SBNO2: variants seen among roughly 807,000 people sequenced by gnomAD.
The protein encoded by SBNO2 is strawberry notch homolog 2, also known as protein strawberry notch homolog 2.
SBNO2 carries 89 observed loss-of-function variants against 146.3 expected under a neutral mutation model. That is an observed-to-expected ratio of 0.61 (90% CI 0.51 to 0.73). The LOEUF is 0.73. Among genes scored for constraint, SBNO2 ranks in the 30% least tolerant of loss-of-function variants. The pLI is 0.00. For synonymous variants in SBNO2, 1,147 were observed against 892.6 expected, an observed-to-expected ratio of 1.29 and a Z score of -5.08; for missense variants, 2,092 against 2,003.7, an observed-to-expected ratio of 1.04 and a Z score of -0.84.
chr19:1,152,140 C>T (rs910716883), intron 2 of SBNO2, among the ~76,000 whole-genome samples: 1 of 152,214 alleles, frequency 6.6e-6, no homozygotes, highest in Admixed American at 6.5e-5. Flanking sequence ...CGGTTACGCG[C>T]ACGGGTGCGC....
At chr19:1,113,846 C>A in intron 18 of SBNO2, 142 bp from the exon 19 acceptor site, 1 of 1,144,818 alleles carries the variant, frequency 8.7e-7, no homozygotes, top group South Asian at 1.9e-5. Flanking sequence ...AAGCCCGGCA[C>A]CGTGGCCCAG....
chr19:1,137,120 T>G (rs1448361653), intron 4 of SBNO2, among the ~76,000 whole-genome samples: 2 of 143,142 alleles, frequency 1.4e-5, no homozygotes, highest in East Asian at 4.2e-4. Context: ...CGAGGGGCAG[T>G]GAGGCGAGCA....
chr19:1,113,358 C>A (rs1228033161), intron 19 of SBNO2, among the ~76,000 whole-genome samples, 177 bp downstream of exon 19: 1 of 152,180 alleles, frequency 6.6e-6, no homozygotes, highest in Non-Finnish European at 1.5e-5. Flanking sequence ...CGTGGCCTCC[C>A]GGGCCGAGCT....
At chr19:1,142,182 T>C (rs80216345) in intron 4 of SBNO2, among the ~76,000 whole-genome samples, 72 of 1,402 alleles carry the variant, frequency 0.051, no homozygotes, top group Middle Eastern at 0.17. Flanking sequence ...TCCCTCCCCA[T>C]GATCAACCCT....
In SBNO2 at chr19:1,125,038, C is replaced by T. The variant is rs188723951; in HGVS notation, c.442-1016G>A. Among the ~76,000 whole-genome samples the T allele has an allele frequency of 3.7e-3, 557 of 152,014 alleles. 5 individuals are homozygous for T. The highest frequency in any genetic ancestry group is 0.024 in the Middle Eastern group (7 of 294). On this transcript the variant is annotated intron_variant, in intron 5 of 31. Coordinates refer to ENST00000361757, the MANE Select transcript of SBNO2 (RefSeq NM_014963.3). ...CACTCTTAAAAAGCAAAAATCCTAACAGTAATACGAGCCATAAAAAACGTA... is the reference window on the plus strand; with the variant it reads ...CACTCTTAAAAAGCAAAAATCCTAATAGTAATACGAGCCATAAAAAACGTA...
intron 4 of SBNO2, among the ~76,000 whole-genome samples, chr19:1,143,009 G>A (rs896124000): frequency 2.6e-5 from 4 of 152,194 alleles, no homozygotes; most frequent in Non-Finnish European, 4.4e-5. Context: ...GGCCTGTGGG[G>A]TTTTACATTC....
At position 1,122,747 on chromosome 19, in the gene SBNO2, G is replaced by A. The variant is rs1364352584; in HGVS notation, c.825C>T (p.Leu275=). 3.3e-6 allele frequency: 5 copies of A among 1,537,504 alleles called. No homozygotes were observed. The highest frequency in any genetic ancestry group is 3.5e-6 in the Non-Finnish European group (4 of 1,146,540). The change falls in exon 9 of 32, where the codon CTC becomes CTT. Residue 275 remains leucine (L), a synonymous_variant. Transcript: ENST00000361757. ...LLPSGQRAGF[L]IGDGAGVGKG... is the part of the protein sequence containing the mutation. ...TGCCCACGCCGGCCCCATCGCCGAT[G>A]AGAAAGCCCGCGCGCTGCCCGCTGG...
At position 1,119,932 on chromosome 19, in the gene SBNO2, G is replaced by T; in HGVS notation, c.1241C>A (p.Ala414Asp). The T allele has an allele frequency of 6.5e-7, 1 of 1,549,102 alleles. No individual in the cohort carries two copies. The highest frequency in any genetic ancestry group is 8.7e-7 in the Non-Finnish European group (1 of 1,146,986). The change falls in exon 12 of 32, where the codon GCC becomes GAC. Residue 414 changes from alanine (A) to aspartate (D), a missense_variant. By Grantham distance (126) the Ala-to-Asp change is moderately radical. Transcript: ENST00000361757. ...VLDLQNKLPL[A>D]RVVYASATGA... ...TGTGGCGCTGGCGTAGACCACGCGG[G>T]CCAGGGGCAGCTTGTTCTGCAGGTC...
rs748907522 is a variant in SBNO2, at chr19:1,112,794, G to A, written c.2379+24C>T. On this transcript the variant is annotated intron_variant, in intron 20 of 31. Coordinates refer to ENST00000361757, the MANE Select transcript of SBNO2 (RefSeq NM_014963.3). The surrounding 1 kb of genome is among the most constrained non-coding windows in gnomAD (Gnocchi z 5.9). ...GTGCCTCTTGGGTCCCGTGGGCCGCGCCCAGTGCACTGCAGCCCCGCACCT... is the reference window on the plus strand; with the variant it reads ...GTGCCTCTTGGGTCCCGTGGGCCGCACCCAGTGCACTGCAGCCCCGCACCT... 6.5e-5 allele frequency: 101 copies of A among 1,552,140 alleles called. No individual in the cohort carries two copies. Among genetic ancestry groups the A allele is most frequent in the African/African-American group, 8.2e-5 (6 of 73,312 alleles).
chr19:1,149,095 C>G (rs552476297), intron 3 of SBNO2, among the ~76,000 whole-genome samples: 31 of 66,334 alleles, frequency 4.7e-4, no homozygotes, highest in African/African-American at 9.9e-4. Context: ...CACAGGAGGC[C>G]CCCCTGGCCC....
Position 1,111,098 on chromosome 19 carries a change from G to A in SBNO2, c.2810-5C>T, listed in dbSNP as rs1234448388. On this transcript the variant is annotated splice_polypyrimidine_tract_variant and splice_region_variant and intron_variant, in intron 24 of 31. Coordinates refer to ENST00000361757, the MANE Select transcript of SBNO2 (RefSeq NM_014963.3). ...ACAGCAGGCCCTGCTTCATGTCTGC[G>A]GGGAGAGGGGCCTCACATGCTGGTC... 8 of 1,545,960 alleles carry A rather than the reference G, an allele frequency of 5.2e-6. No individual in the cohort carries two copies. Among genetic ancestry groups the A allele is most frequent in the East Asian group, 2.4e-5 (1 of 41,132 alleles).
intron 1 of SBNO2, among the ~76,000 whole-genome samples, chr19:1,168,053 C>T (rs377362968): frequency 1.4e-3 from 215 of 152,238 alleles, no homozygotes; most frequent in African/African-American, 4.8e-3. Flanking sequence ...GGAGGGGCAG[C>T]GGAGACTTGT....
At position 1,113,641 on chromosome 19, in the gene SBNO2, A is replaced by G. The variant is rs2079795300; in HGVS notation, c.2141T>C (p.Leu714Pro). 2 of 1,599,128 alleles carry G rather than the reference A, an allele frequency of 1.3e-6. No homozygotes were observed. The highest frequency in any genetic ancestry group is 1.4e-5 in the African/African-American group (1 of 73,340). ...CACTTTGTCCAGCAGATCCTGCTTC[A>G]GCCGCTCCACCCGCTCCAGGACCCC... ...GPGVLERVERLKQDLLDKVRR... is the reference protein window; with the variant it reads ...GPGVLERVERPKQDLLDKVRR... Residue 714 changes from leucine to proline, a missense_variant, in exon 19 of 32, where the codon CTG (leucine) becomes CCG (proline). Transcript: ENST00000361757.
chr19:1,132,167 A>G, intron 4 of SBNO2: 1 of 1,447,628 alleles, frequency 6.9e-7, no homozygotes, highest in Non-Finnish European at 9.1e-7. Flanking sequence ...GGGGTCCCCC[A>G]GGAAGCGCTG....
chr19:1,172,783 C>CT (rs1173690865), intron 1 of SBNO2, among the ~76,000 whole-genome samples: 4 of 87,066 alleles, frequency 4.6e-5, no homozygotes, highest in African/African-American at 2.2e-4. Context: ...CAACCGCCCC[C>CT]CCCGCCCCGG....
At chr19:1,160,020 G>A (rs1001292178) in intron 1 of SBNO2, among the ~76,000 whole-genome samples, 3 of 152,090 alleles carry the variant, frequency 2.0e-5, no homozygotes, top group African/African-American at 7.2e-5. Context: ...TCAGCCTCCG[G>A]GTGCCCCCGC....
In SBNO2 at chr19:1,160,353, C is replaced by T. The variant is rs79019022; in HGVS notation, c.-126-5951G>A. Among the ~76,000 whole-genome samples, 562 of 152,354 alleles carry T rather than the reference C, an allele frequency of 3.7e-3. 3 individuals carry two copies. Among genetic ancestry groups the T allele is most frequent in the African/African-American group, 0.013 (526 of 41,594 alleles). On this transcript the variant is annotated intron_variant, in intron 1 of 31. Transcript: ENST00000361757. ...AGAGCCCATGAAGAAACCACTCCCA[C>T]ACCCCTGCCCAGGCCTCGGGGGGTC...
chr19:1,150,163 G>A lies in SBNO2; in HGVS notation c.94-721C>T, dbSNP rs2080229016. On this transcript the variant is annotated intron_variant, in intron 2 of 31. Coordinates refer to ENST00000361757, the MANE Select transcript of SBNO2 (RefSeq NM_014963.3). The surrounding 1 kb of genome is among the most constrained non-coding windows in gnomAD (Gnocchi z 6.2). ...GGCTTACCCAACACCCTCGCCAGGA[G>A]CCGATGTCCCCACCCCATGGTTCTC... Among the ~76,000 whole-genome samples, 1 of 152,158 alleles carries A rather than the reference G, an allele frequency of 6.6e-6. No individual in the cohort carries two copies. Among genetic ancestry groups the A allele is most frequent in the Non-Finnish European group, 1.5e-5 (1 of 68,016 alleles).
At chr19:1,125,459 T>C (rs773485311) in intron 5 of SBNO2, among the ~76,000 whole-genome samples, 1 of 149,622 alleles carries the variant, frequency 6.7e-6, no homozygotes, top group Non-Finnish European at 1.5e-5. Context: ...TCACCTGAGG[T>C]TGGGAGTTCA....
Sources: allele counts gnomAD v4.1 joint callset (sites outside exome capture counted in the v4.1 genomes callset), GRCh38; gene constraint gnomAD v4.1.1; non-coding constraint Gnocchi (gnomAD v3.1); transcripts MANE v1.5; gene names NCBI Gene and HGNC (gene_info 2026-07-23, HGNC 2026-07-21).